The following PRDM4 variants were observed in gnomAD, a reference collection of about 807,000 sequenced individuals.
PRDM4 encodes the protein PR/SET domain 4.
A neutral mutation model predicts 62.3 loss-of-function variants in PRDM4; 38 were observed. That is an observed-to-expected ratio of 0.61 (90% CI 0.47 to 0.80). The LOEUF (loss-of-function observed/expected upper bound fraction) is 0.80, where lower values mean the gene tolerates loss of function less well. PRDM4 is among the 30% of genes least tolerant of loss of function. The pLI, the probability that PRDM4 is intolerant of heterozygous loss-of-function variation, is 0.00. For synonymous variants in PRDM4, 339 were observed against 348.2 expected (o/e 0.97, Z 0.30); for missense variants, 858 against 997.1 (o/e 0.86, Z 1.88).
intron 11 of PRDM4, chr12:107,736,713 G>A (rs896581449): frequency 5.3e-5 from 8 of 152,302 alleles, no homozygotes; most frequent in African/African-American, 1.9e-4. Context: ...GTTCATCTGT[G>A]TTGCGGAGTA....
At position 107,760,634 on chromosome 12, in the gene PRDM4, C is replaced by A; in HGVS notation, c.-119G>T. The A allele has an allele frequency of 7.7e-7, 1 of 1,303,582 alleles. No homozygotes were observed. The highest frequency in any genetic ancestry group is 1.4e-5 in the South Asian group (1 of 71,056). 80.8% of individuals were successfully genotyped at this position (1,303,582 alleles called of 1,614,324 possible). A position where few individuals can be genotyped will look rare whatever the true frequency, so the allele number is the denominator to read the frequency against. ...GCTCACAACCGCTGCACCGACGCGGCCACTCGTCCCCGGGGTCGCCCGGGG... is the reference window on the plus strand; with the variant it reads ...GCTCACAACCGCTGCACCGACGCGGACACTCGTCCCCGGGGTCGCCCGGGG... On this transcript the variant is annotated 5_prime_UTR_variant, in exon 2 of 12. Transcript: ENST00000228437.
At chr12:107,755,965 A>C (rs1452467905) in intron 3 of PRDM4, among the ~76,000 whole-genome samples, 3 of 152,190 alleles carry the variant, frequency 2.0e-5, no homozygotes, top group African/African-American at 7.2e-5. Flanking sequence ...GTGTGCCTGT[A>C]GTCTCAGCTA....
rs1409882732 is a variant in PRDM4, at chr12:107,760,790, G to C, written c.-256-19C>G. Reference sequence around the variant, plus strand: ...GCCCAACCTGGGGGAGTGGGGACAAGAGCGGTCACCAAAACCACAACAAGG... The same window carrying C: ...GCCCAACCTGGGGGAGTGGGGACAACAGCGGTCACCAAAACCACAACAAGG... On this transcript the variant is annotated intron_variant, in intron 1 of 11. Coordinates refer to ENST00000228437, the MANE Select transcript of PRDM4 (RefSeq NM_012406.4). 1.6e-5 allele frequency: 7 copies of C among 448,504 alleles called. No homozygotes were observed. In the Admixed American group the frequency reaches 1.7e-4, roughly 11 times the overall value. The allele number at this position is 448,504 out of a possible 1,614,324, so 27.8% of individuals were successfully genotyped here.
At chr12:107,757,875 G>A (rs1891110577) in intron 2 of PRDM4, among the ~76,000 whole-genome samples, 1 of 152,094 alleles carries the variant, frequency 6.6e-6, no homozygotes, top group Non-Finnish European at 1.5e-5. Flanking sequence ...AAACAGCACT[G>A]AAGGTTGTTA....
chr12:107,753,213 A>T (rs527455763), intron 4 of PRDM4, among the ~76,000 whole-genome samples: 91 of 152,130 alleles, frequency 6.0e-4, no homozygotes, highest in Non-Finnish European at 1.0e-3. Flanking sequence ...CTCTTTTTTT[A>T]AAAAAGTTAT....
intron 2 of PRDM4, chr12:107,759,802 G>A (rs1891175364): frequency 1.3e-5 from 2 of 152,198 alleles, no homozygotes; most frequent in Non-Finnish European, 2.9e-5. Context: ...AAGAAGGCAA[G>A]AATCAAGATA....
chr12:107,758,866 A>T (rs1219778447), intron 2 of PRDM4, among the ~76,000 whole-genome samples: 1 of 152,186 alleles, frequency 6.6e-6, no homozygotes, highest in African/African-American at 2.4e-5. Flanking sequence ...ATTTTATCGG[A>T]TGGAGCTATG....
Position 107,751,569 on chromosome 12 carries a change from T to A in PRDM4, c.972A>T (p.Leu324=). The A allele has an allele frequency of 6.2e-7, 1 of 1,613,318 alleles. No homozygotes were observed. ...SVSLHEVGLS[L]EPVAVSSITQ... ...TGATGGAGGAGACAGCCACAGGTTC[T>A]AGGCTGAGGCCAACTTCATGGAGGG... The change falls in exon 5 of 12, where the codon CTA becomes CTT. Residue 324 remains leucine (L), a synonymous_variant. Transcript: ENST00000228437.
chr12:107,750,124 A>C (rs1593171598), intron 5 of PRDM4, among the ~76,000 whole-genome samples: 1 of 152,136 alleles, frequency 6.6e-6, no homozygotes, highest in Non-Finnish European at 1.5e-5. Context: ...CGTCACACTT[A>C]TTATTATCCT....
chr12:107,760,382 T>G, intron 2 of PRDM4, 123 bp downstream of exon 2: 2 of 1,274,166 alleles, frequency 1.6e-6, no homozygotes, highest in Non-Finnish European at 2.2e-6. Context: ...TGGATTTGTT[T>G]CCTTTGCAAA....
At position 107,743,265 on chromosome 12, in the gene PRDM4, G is replaced by A; in HGVS notation, c.1413C>T (p.Val471=). The A allele has an allele frequency of 6.2e-7, 1 of 1,612,522 alleles. No homozygotes were observed. Among genetic ancestry groups the A allele is most frequent in the Non-Finnish European group, 8.5e-7 (1 of 1,178,696 alleles). Residue 471 remains valine, a synonymous_variant, in exon 8 of 12, where the codon GTC becomes GTT. Transcript: ENST00000228437. The stretch of plus-strand genomic sequence containing the variant: ...CAGTTGTAATGATGCAGAATTCTAG[G>A]ACACCATTGTGGTATATCTGCCAAC... ...NHIWKIYHNG[V]LEFCIITTDE...
chr12:107,739,772 C>A (rs1890453373), intron 10 of PRDM4: 1 of 382,010 alleles, frequency 2.6e-6, no homozygotes, highest in Admixed American at 4.2e-5. Context: ...TCCTTTAGGA[C>A]CTCTGACCTA....
chr12:107,755,582 C>T (rs370117611), intron 3 of PRDM4, among the ~76,000 whole-genome samples: 1 of 152,142 alleles, frequency 6.6e-6, no homozygotes, highest in African/African-American at 2.4e-5. Flanking sequence ...ATTAATTAAG[C>T]AAGTAATTCT....
At position 107,734,251 on chromosome 12, in the gene PRDM4, C is replaced by T; in HGVS notation, c.2365G>A (p.Ala789Thr). The T allele has an allele frequency of 6.2e-7, 1 of 1,614,090 alleles. No individual in the cohort carries two copies. The highest frequency in any genetic ancestry group is 8.5e-7 in the Non-Finnish European group (1 of 1,179,982). The change falls in exon 12 of 12, where the codon GCT becomes ACT. Residue 789 changes from alanine to threonine, a missense_variant. Coordinates refer to ENST00000228437, the MANE Select transcript of PRDM4 (RefSeq NM_012406.4). ...AGAGACTCATCCGCTGAATACACAG[C>T]ACTGTTAATCCTACAGTCTTCTGTC... ...VGTEDCRINS[A>T]VYSADESLSA...
Position 107,743,096 on chromosome 12 carries a change from G to C in PRDM4, c.1481+101C>G, listed in dbSNP as rs568508869. On this transcript the variant is annotated intron_variant, in intron 8 of 11. Transcript: ENST00000228437. ...TGGGCTTTAAGTATGTCCAGGTGTT[G>C]GTGTAATTTGGATTCTTAACTCTTT... 788 of 929,732 alleles carry C rather than the reference G, an allele frequency of 8.5e-4. 5 individuals are homozygous for C. Among genetic ancestry groups the C allele is most frequent in the Middle Eastern group, 9.3e-4 (3 of 3,242 alleles). 57.6% of individuals were successfully genotyped at this position (929,732 alleles called of 1,614,324 possible).
rs750002269 is a variant in PRDM4, at chr12:107,742,763, CTT to C, written c.1482-417_1482-416del. Among the ~76,000 whole-genome samples, 155 of 120,484 alleles carry C rather than the reference CTT, an allele frequency of 1.3e-3. 1 individual carries two copies. The highest frequency in any genetic ancestry group is 2.9e-3 in the African/African-American group (87 of 30,182). 79.0% of individuals were successfully genotyped at this position (120,484 alleles called of 152,430 possible). On this transcript the variant is annotated intron_variant, in intron 8 of 11. Transcript: ENST00000228437. Reference sequence around the variant, plus strand: ...AACTATATTGTTCCTTGGTAAGTGCCTTTTTTTTTTTTTTTTTTGAGACAGAA... The same window carrying C: ...AACTATATTGTTCCTTGGTAAGTGCCTTTTTTTTTTTTTTTTGAGACAGAA...
At position 107,756,846 on chromosome 12, in the gene PRDM4, G is replaced by A. The variant is rs1230881708; in HGVS notation, c.131C>T (p.Ala44Val). 3.7e-6 allele frequency: 6 copies of A among 1,614,014 alleles called. No individual in the cohort carries two copies. In the South Asian group the frequency reaches 5.5e-5, roughly 15 times the overall value. The change falls in exon 3 of 12, where the codon GCC becomes GTC. Residue 44 changes from alanine (A) to valine (V), a missense_variant. Transcript: ENST00000228437. The stretch of plus-strand genomic sequence containing the variant: ...TTACCACTCACCTGGGGCAGGGATG[G>A]CACTGTGAGTGGGTGAGGCAGCCAA... ...LGLAASPTHS[A>V]IPAPGLPVAI... is the part of the protein sequence containing the mutation.
In PRDM4 at chr12:107,734,276, C is replaced by T. The variant is rs1890257160; in HGVS notation, c.2340G>A (p.Gly780=). The part of the protein sequence containing the change: ...SEEEDLADSV[G]TEDCRINSAV... ...CACTGTTAATCCTACAGTCTTCTGTCCCCACAGAGTCTGCTAGATCTTCCT... is the reference window on the plus strand; with the variant it reads ...CACTGTTAATCCTACAGTCTTCTGTTCCCACAGAGTCTGCTAGATCTTCCT... The change falls in exon 12 of 12, where the codon GGG becomes GGA. Residue 780 remains glycine (G), a synonymous_variant. Transcript: ENST00000228437. The T allele has an allele frequency of 1.2e-6, 2 of 1,614,044 alleles. No individual in the cohort carries two copies. The highest frequency in any genetic ancestry group is 1.3e-5 in the African/African-American group (1 of 74,912).
At position 107,746,406 on chromosome 12, in the gene PRDM4, C is replaced by T. The variant is rs770558024; in HGVS notation, c.1145G>A (p.Arg382His). The change falls in exon 6 of 12, where the codon CGC becomes CAC. Residue 382 changes from arginine to histidine, a missense_variant. Around this residue, in one of 3 missense-constraint regions of PRDM4, gnomAD observed 499 missense variants for 546.7 expected, o/e 0.91. Coordinates refer to ENST00000228437, the MANE Select transcript of PRDM4 (RefSeq NM_012406.4). ...LFTIWCTLCD[R>H]AYPSDCPEHG... ...TTCGGGACAGTCCGAGGGATAGGCG[C>T]GGTCACACAGAGTACACCCTGTAGA... 16 of 1,608,812 alleles carry T rather than the reference C, an allele frequency of 9.9e-6. No homozygotes were observed. The highest frequency in any genetic ancestry group is 8.4e-5 in the Admixed American group (5 of 59,260).
Sources: allele counts gnomAD v4.1 joint callset (sites outside exome capture counted in the v4.1 genomes callset), GRCh38; gene constraint gnomAD v4.1.1; regional missense constraint gnomAD v4.1.1; transcripts MANE v1.5; gene names NCBI Gene and HGNC (gene_info 2026-07-23, HGNC 2026-07-21).